Variants in AK9 observed in about 807,000 individuals in gnomAD.
The protein encoded by AK9 is adenylate kinase 9.
Under a neutral mutation model 239.6 loss-of-function variants are expected in AK9, and 191 were observed. The observed-to-expected ratio is 0.80, with a 90% CI of 0.71 to 0.90. The LOEUF is 0.90. AK9 is among the 40% of genes least tolerant of loss of function. AK9 has a pLI of 0.00. For synonymous variants in AK9, 689 were observed against 721.0 expected (o/e 0.96, Z 0.71); for missense variants, 1,995 against 2,214.7 (o/e 0.90, Z 1.99).
At chr6:109,648,538 C>T (rs182687253) in intron 8 of AK9, among the ~76,000 whole-genome samples, 122 of 152,112 alleles carry the variant, frequency 8.0e-4, no homozygotes, top group African/African-American at 2.8e-3. Context: ...AAGACTAAAC[C>T]AGGAAGAAGT....
intron 17 of AK9, among the ~76,000 whole-genome samples, chr6:109,592,181 C>G (rs1303510739): frequency 6.6e-6 from 1 of 151,652 alleles, no homozygotes; most frequent in Non-Finnish European, 1.5e-5. Flanking sequence ...ATGGAAATAC[C>G]ACTACTAAAA....
chr6:109,604,413 T>C (rs117377901), intron 17 of AK9, among the ~76,000 whole-genome samples: 4,544 of 152,296 alleles, frequency 0.03, 92 homozygotes, highest in Non-Finnish European at 0.039. Flanking sequence ...TTTATTTTTA[T>C]TTTGATAGAA....
Position 109,499,081 on chromosome 6 carries a change from C to T in AK9, c.5009G>A (p.Gly1670Glu), listed in dbSNP as rs762156458. 4 of 1,597,080 alleles carry T rather than the reference C, an allele frequency of 2.5e-6. No individual in the cohort carries two copies. The South Asian group carries it at 4.6e-5, about 18-fold the overall frequency. ...DSLEFAAEFRGHYYKMSSQEK... is the reference protein window; with the variant it reads ...DSLEFAAEFREHYYKMSSQEK... ...CTGAGAACTCATTTTATAGTAGTGC[C>T]CCCTGAACTCTGCTGCAAATTCCAA... Residue 1670 changes from glycine to glutamate, a missense_variant, in exon 36 of 41, where the codon GGG (glycine) becomes GAG (glutamate). Gly to Glu is a moderately conservative substitution (Grantham distance 98, BLOSUM62 -2). This residue lies in a region of AK9 where 391 missense variants were observed against 456.0 expected (regional missense o/e 0.86). Coordinates refer to ENST00000424296, the MANE Select transcript of AK9 (RefSeq NM_001145128.3).
Position 109,564,195 on chromosome 6 carries a change from G to C in AK9, c.2520C>G (p.Ile840Met). ...TTGTTGCTTCTAGCTGTTTCCAGAG[G>C]ATGATGAAAGAACCAATCTTCTCTT... is the stretch of plus-strand genomic sequence containing the variant. ...PFKEKIGSFIILWKQLEATIS... is the reference protein window; with the variant it reads ...PFKEKIGSFIMLWKQLEATIS... The change falls in exon 23 of 41, where the codon ATC becomes ATG. Residue 840 changes from isoleucine (I) to methionine (M), a missense_variant. This residue lies in a region of AK9 where 1,290 missense variants were observed against 1,392.7 expected (regional missense o/e 0.93). Coordinates refer to ENST00000424296, the MANE Select transcript of AK9 (RefSeq NM_001145128.3). 6.4e-7 allele frequency: 1 copy of C among 1,551,338 alleles called. No homozygotes were observed. Among genetic ancestry groups the C allele is most frequent in the Non-Finnish European group, 8.7e-7 (1 of 1,146,836 alleles).
Position 109,550,243 on chromosome 6 carries a change from C to A in AK9, c.2811G>T (p.Pro937=). Residue 937 remains proline, a synonymous_variant, in exon 25 of 41, where the codon CCG becomes CCT. Transcript: ENST00000424296. ...RHLGDTKHFC[P]VVLKENFILQ... ...GGATGAAGTTTTCTTTGAGGACCAC[C>A]GGACAAAAGTGTTTTGTGTCTCCCA... 1 of 1,613,086 alleles carries A rather than the reference C, an allele frequency of 6.2e-7. No individual in the cohort carries two copies. The highest frequency in any genetic ancestry group is 2.2e-5 in the East Asian group (1 of 44,842).
At chr6:109,634,943 G>A (rs1796530087) in intron 10 of AK9, among the ~76,000 whole-genome samples, 1 of 152,224 alleles carries the variant, frequency 6.6e-6, no homozygotes. Flanking sequence ...TGCCCATGGG[G>A]CCACACGTTC....
chr6:109,552,284 T>G (rs994487987), intron 24 of AK9, among the ~76,000 whole-genome samples: 1 of 152,214 alleles, frequency 6.6e-6, no homozygotes, highest in Non-Finnish European at 1.5e-5. Flanking sequence ...ATCGCCACAC[T>G]GTGTTTCAAA....
intron 22 of AK9, 82 bp downstream of exon 22, chr6:109,564,674 C>T: frequency 9.6e-7 from 1 of 1,036,446 alleles, no homozygotes. Flanking sequence ...GACGCACCTA[C>T]TATGCCTAAA....
Position 109,564,933 on chromosome 6 carries a change from T to A in AK9, c.2345-88A>T, listed in dbSNP as rs964348652. On this transcript the variant is annotated intron_variant, in intron 21 of 40. Coordinates refer to ENST00000424296, the MANE Select transcript of AK9 (RefSeq NM_001145128.3). ...TTGGCACAAAGAACATTTCAAAATA[T>A]AGCTTAAATTGTATATGAAATGCCT... The A allele has an allele frequency of 9.1e-6, 9 of 992,362 alleles. No homozygotes were observed. The Admixed American group carries it at 2.1e-4, about 23-fold the overall frequency. The allele number at this position is 992,362 out of a possible 1,614,324, so 61.5% of individuals were successfully genotyped here. A position where few individuals can be genotyped will look rare whatever the true frequency, so the allele number is the denominator to read the frequency against.
chr6:109,632,860 G>GGCATAGAT (rs1796243098), intron 12 of AK9, 63 bp downstream of exon 12: 1 of 844,532 alleles, frequency 1.2e-6, no homozygotes, highest in African/African-American at 2.2e-5. Flanking sequence ...ATGACAGATA[G>GGCATAGAT]ACATAGATAG....
At chr6:109,647,350 C>T (rs36131450) in intron 8 of AK9, among the ~76,000 whole-genome samples, 52,559 of 151,860 alleles carry the variant, frequency 0.35, 9,556 homozygotes, top group South Asian at 0.44. Context: ...ACCCATCTCA[C>T]GTGCAGAGAC....
chr6:109,671,377 G>A (rs989961840), intron 5 of AK9, among the ~76,000 whole-genome samples: 2 of 152,068 alleles, frequency 1.3e-5, no homozygotes, highest in African/African-American at 4.8e-5. Flanking sequence ...TTGAGCTTCA[G>A]TGGTCTTTGT....
chr6:109,592,446 C>CTTTTTT (rs55998817), intron 17 of AK9, among the ~76,000 whole-genome samples: 5 of 126,764 alleles, frequency 3.9e-5, no homozygotes, highest in Admixed American at 1.7e-4. Context: ...AATGGGATTT[C>CTTTTTT]TTTTTTTTTT....
In AK9 at chr6:109,545,948, G is replaced by T. The variant is rs151316525; in HGVS notation, c.3144C>A (p.Asn1048Lys). Residue 1048 changes from asparagine (N) to lysine (K), a missense_variant, in exon 26 of 41, where the codon AAC (asparagine) becomes AAA (lysine). Coordinates refer to ENST00000424296, the MANE Select transcript of AK9 (RefSeq NM_001145128.3). ...VGPEFEEDSE[N>K]EQAAKQELEE... is the part of the protein sequence containing the mutation. ...CAAGTTCTTGTTTGGCAGCTTGCTC[G>T]TTCTCAGAATCTTCCTCAAATTCAG... The T allele has an allele frequency of 6.2e-7, 1 of 1,614,124 alleles. No individual in the cohort carries two copies. Among genetic ancestry groups the T allele is most frequent in the Non-Finnish European group, 8.5e-7 (1 of 1,180,008 alleles).
chr6:109,690,104 T>G (rs1187984450), intron 1 of AK9, among the ~76,000 whole-genome samples: 2 of 152,216 alleles, frequency 1.3e-5, no homozygotes, highest in Non-Finnish European at 2.9e-5. Flanking sequence ...GAATGTTATC[T>G]GGGTATGCTA....
chr6:109,608,278 C>CA (rs568305228), intron 17 of AK9, among the ~76,000 whole-genome samples: 1,517 of 54,372 alleles, frequency 0.028, 25 homozygotes, highest in African/African-American at 0.069. Context: ...GACTCTGGCT[C>CA]AAAAAAAAAA....
In AK9 at chr6:109,548,460, T is replaced by C. The variant is rs530508475; in HGVS notation, c.2964+1630A>G. Among the ~76,000 whole-genome samples, 3 of 152,226 alleles carry C rather than the reference T, an allele frequency of 2.0e-5. No homozygotes were observed. The South Asian group carries it at 6.2e-4, about 32-fold the overall frequency. On this transcript the variant is annotated intron_variant, in intron 25 of 40. Coordinates refer to ENST00000424296, the MANE Select transcript of AK9 (RefSeq NM_001145128.3). ...TGCTTTATGAAAGTTTCGGGGACAA[T>C]GCCCCAAAGAGATCAGCAGTTTCCA...
At chr6:109,578,041 C>A (rs1788348258) in intron 20 of AK9, among the ~76,000 whole-genome samples, 2 of 151,880 alleles carry the variant, frequency 1.3e-5, no homozygotes, top group South Asian at 4.2e-4. Context: ...AAGTGATTCT[C>A]CTGCCTCAGC....
Position 109,533,250 on chromosome 6 carries a change from C to G in AK9, c.3570+1G>C. ...TCAATGCATTTTTGCTAGATACATA[C>G]CCTGATTTTTGCCTTCATGTCTTTG... is the stretch of plus-strand genomic sequence containing the variant. On this transcript the variant is annotated splice_donor_variant, in intron 28 of 40. Transcript: ENST00000424296. LOFTEE classifies it high-confidence loss of function. 6.2e-7 allele frequency: 1 copy of G among 1,601,748 alleles called. No individual in the cohort carries two copies. Among genetic ancestry groups the G allele is most frequent in the Non-Finnish European group, 8.5e-7 (1 of 1,174,136 alleles).
Sources: allele counts gnomAD v4.1 joint callset (sites outside exome capture counted in the v4.1 genomes callset), GRCh38; gene constraint gnomAD v4.1.1; regional missense constraint gnomAD v4.1.1; transcripts MANE v1.5; gene names NCBI Gene and HGNC (gene_info 2026-07-23, HGNC 2026-07-21).